Variants in DYNC1I1 observed in about 807,000 individuals in gnomAD.
DYNC1I1 encodes the protein cytoplasmic dynein 1 intermediate chain 1.
DYNC1I1 carries 43 observed loss-of-function variants against 86.6 expected under a neutral mutation model. The ratio of observed to expected loss-of-function variants is 0.50; its 90% CI spans 0.39 to 0.64. The LOEUF is 0.64. Among genes scored for constraint, DYNC1I1 ranks in the 30% least tolerant of loss-of-function variants. The probability of loss-of-function intolerance (pLI) is 0.00; values close to 1 mark genes in which losing one functional copy is unlikely to be tolerated. For synonymous variants in DYNC1I1, 262 were observed against 283.7 expected (o/e 0.92, Z 0.77); for missense variants, 604 against 788.8 (o/e 0.77, Z 2.81).
At chr7:95,921,641 C>T (rs972385482) in intron 6 of DYNC1I1, among the ~76,000 whole-genome samples, 4 of 152,122 alleles carry the variant, frequency 2.6e-5, no homozygotes, top group Admixed American at 2.6e-4. Flanking sequence ...CCCTGGTCAC[C>T]TTCCAAAATG....
chr7:95,834,113 TAG>T (rs1170877726), intron 5 of DYNC1I1, among the ~76,000 whole-genome samples: 1 of 59,352 alleles, frequency 1.7e-5, no homozygotes, highest in Non-Finnish European at 3.0e-5. Flanking sequence ...GGGTTTGTCA[TAG>T]ATAGCTCTTA....
chr7:96,010,605 T>C (rs773335834), intron 10 of DYNC1I1, among the ~76,000 whole-genome samples: 9 of 152,220 alleles, frequency 5.9e-5, no homozygotes, highest in Admixed American at 2.6e-4. Flanking sequence ...TAGAAGCCTC[T>C]GAAGGGCTTT....
intron 14 of DYNC1I1, among the ~76,000 whole-genome samples, chr7:96,060,293 C>T (rs987567755): frequency 6.6e-5 from 10 of 152,126 alleles, no homozygotes; most frequent in African/African-American, 1.4e-4. Context: ...AAGTCTCTCA[C>T]GACTGTAGCA....
chr7:95,793,605 A>G (rs557135533), intron 1 of DYNC1I1, among the ~76,000 whole-genome samples: 67 of 152,314 alleles, frequency 4.4e-4, no homozygotes, highest in Non-Finnish European at 7.9e-4. Flanking sequence ...TGTATTATCT[A>G]TGGCTAGCAG....
chr7:95,843,600 C>T (rs772680387), intron 5 of DYNC1I1, among the ~76,000 whole-genome samples: 7 of 151,882 alleles, frequency 4.6e-5, no homozygotes, highest in East Asian at 1.9e-4. Context: ...CCATTTTGGC[C>T]GGAAACACAA....
chr7:96,080,131 A>G (rs1249674565), intron 15 of DYNC1I1, among the ~76,000 whole-genome samples: 1 of 151,350 alleles, frequency 6.6e-6, no homozygotes, highest in African/African-American at 2.4e-5. Context: ...ATGTAAAAAG[A>G]CTCTCCCTCC....
chr7:95,785,775 G>GCA (rs1554382739), intron 1 of DYNC1I1, among the ~76,000 whole-genome samples: 135 of 124,882 alleles, frequency 1.1e-3, no homozygotes, highest in Non-Finnish European at 2.0e-3. Context: ...GTGTGTATGT[G>GCA]TATATATATA....
chr7:96,100,439 A>G (rs1791113818), downstream of DYNC1I1, among the ~76,000 whole-genome samples: 1 of 151,108 alleles, frequency 6.6e-6, no homozygotes, highest in Non-Finnish European at 1.5e-5. Flanking sequence ...AGGCCTGACA[A>G]ACATCACTGT....
At chr7:95,933,886 T>C (rs1408378195) in intron 6 of DYNC1I1, among the ~76,000 whole-genome samples, 1 of 152,050 alleles carries the variant, frequency 6.6e-6, no homozygotes, top group Non-Finnish European at 1.5e-5. Context: ...TAACATAAAA[T>C]GAAACCCGAC....
At chr7:95,837,968 C>A (rs1017891424) in intron 5 of DYNC1I1, among the ~76,000 whole-genome samples, 3 of 152,192 alleles carry the variant, frequency 2.0e-5, no homozygotes, top group African/African-American at 7.2e-5. Flanking sequence ...CAGAGCTGTT[C>A]CTATTCGGCC....
chr7:96,097,868 G>T lies in DYNC1I1; in HGVS notation c.*275G>T. 2 of 1,149,214 alleles carry T rather than the reference G, an allele frequency of 1.7e-6. No individual in the cohort carries two copies. Among genetic ancestry groups the T allele is most frequent in the Non-Finnish European group, 1.1e-6 (1 of 929,318 alleles). 71.2% of individuals were successfully genotyped at this position (1,149,214 alleles called of 1,614,324 possible). A position where few individuals can be genotyped will look rare whatever the true frequency, so the allele number is the denominator to read the frequency against. ...TAAGTTGCTGCCTTTTAACTACTTT[G>T]TAGCTGTATTTAATAGCTGGAAACC... On this transcript the variant is annotated 3_prime_UTR_variant, in exon 17 of 17. Transcript: ENST00000447467.
chr7:96,106,280 C>A (rs1444439163), intron 16 of DYNC1I1, among the ~76,000 whole-genome samples: 3 of 152,062 alleles, frequency 2.0e-5, no homozygotes, highest in African/African-American at 7.2e-5. Flanking sequence ...CACCTGTAAT[C>A]CCAGCACTTT....
chr7:95,943,052 G>A (rs1792281209), intron 6 of DYNC1I1, among the ~76,000 whole-genome samples: 1 of 119,128 alleles, frequency 8.4e-6, no homozygotes, highest in African/African-American at 3.2e-5. Flanking sequence ...GAAATAAAGG[G>A]TATTCAATTA....
At chr7:95,775,545 ATTTCAGTGTGATCCATTGT>A in intron 1 of DYNC1I1, among the ~76,000 whole-genome samples, 1 of 152,200 alleles carries the variant, frequency 6.6e-6, no homozygotes, top group African/African-American at 2.4e-5. Flanking sequence ...TTGCTCTCCA[ATTTCAGTGTGATCCATTGT>A]TATTTTCTTA....
chr7:96,067,488 A>C (rs574573312), intron 14 of DYNC1I1, among the ~76,000 whole-genome samples: 4 of 145,216 alleles, frequency 2.8e-5, no homozygotes, highest in African/African-American at 1.0e-4. Context: ...TCACCCAGGG[A>C]GAATACTTTG....
intron 1 of DYNC1I1, among the ~76,000 whole-genome samples, chr7:95,779,989 T>C (rs1793944997): frequency 2.6e-5 from 4 of 152,142 alleles, no homozygotes; most frequent in Admixed American, 2.6e-4. Context: ...ACGGGCAGCA[T>C]GGTTTGAATC....
At chr7:95,884,396 G>A (rs188474895) in intron 6 of DYNC1I1, among the ~76,000 whole-genome samples, 37 of 151,656 alleles carry the variant, frequency 2.4e-4, no homozygotes, top group African/African-American at 7.5e-4. Flanking sequence ...ACTATGCCTG[G>A]CCCTTCATTT....
At chr7:96,016,674 A>T (rs1388045582) in intron 10 of DYNC1I1, among the ~76,000 whole-genome samples, 1 of 152,078 alleles carries the variant, frequency 6.6e-6, no homozygotes, top group Admixed American at 6.6e-5. Flanking sequence ...GTAGCTGATG[A>T]ACGTTATTGC....
chr7:96,054,510 AT>A lies in DYNC1I1; in HGVS notation c.1509+15091del, dbSNP rs1346932319. On this transcript the variant is annotated intron_variant, in intron 14 of 16. Transcript: ENST00000447467. ...CTTTGGGTGTATACCCAGTAATGGG[AT>A]TGCTGGGTCAAATGATATTTCTGGT... Among the ~76,000 whole-genome samples, 2 of 152,196 alleles carry A rather than the reference AT, an allele frequency of 1.3e-5. 1 individual carries two copies. Among genetic ancestry groups the A allele is most frequent in the Non-Finnish European group, 2.9e-5 (2 of 68,038 alleles).
Sources: allele counts gnomAD v4.1 joint callset (sites outside exome capture counted in the v4.1 genomes callset), GRCh38; gene constraint gnomAD v4.1.1; transcripts MANE v1.5; gene names NCBI Gene and HGNC (gene_info 2026-07-23, HGNC 2026-07-21).